GATA4: variants seen among roughly 807,000 people sequenced by gnomAD.
The protein encoded by GATA4 is GATA binding protein 4, also known as transcription factor GATA-4.
In GATA4, 7 loss-of-function variants were observed where a neutral mutation model predicts 37.9. The observed-to-expected ratio is 0.18, with a 90% CI of 0.11 to 0.35. The LOEUF (loss-of-function observed/expected upper bound fraction) is 0.35, where lower values mean the gene tolerates loss of function less well. GATA4 is among the 10% of genes least tolerant of loss of function. The pLI is 1.00. For missense variants in GATA4, 647 were observed against 653.0 expected, an observed-to-expected ratio of 0.99 and a Z score of 0.10; for synonymous variants, 372 against 292.6, an observed-to-expected ratio of 1.27 and a Z score of -2.77.
intron 1 of GATA4, among the ~76,000 whole-genome samples, chr8:11,685,330 G>C (rs902701621): frequency 6.6e-6 from 1 of 152,214 alleles, no homozygotes; most frequent in Non-Finnish European, 1.5e-5. Context: ...ATGTGGCTAA[G>C]GATGGATTTG....
chr8:11,686,883 A>G (rs1211328453), intron 1 of GATA4, among the ~76,000 whole-genome samples: 2 of 152,088 alleles, frequency 1.3e-5, no homozygotes, highest in African/African-American at 4.8e-5. Flanking sequence ...CTGTAATCCC[A>G]GCTACTCAGG....
chr8:11,692,532 C>A, upstream of GATA4: 2 of 985,482 alleles, frequency 2.0e-6, no homozygotes, highest in Non-Finnish European at 2.4e-6. Context: ...TATGCTCATG[C>A]GGATCTAGAT....
In GATA4 at chr8:11,759,582, CAA is replaced by C. The variant is rs1802790244; in HGVS notation, c.*1109_*1110del. Reference sequence around the variant, plus strand: ...TTCTGCAACACGAATTCGAAGCAAACAAACACAACACAACAGAATTCCTGGAA... The same window carrying C: ...TTCTGCAACACGAATTCGAAGCAAACACACAACACAACAGAATTCCTGGAA... On this transcript the variant is annotated 3_prime_UTR_variant, in exon 7 of 7. Coordinates refer to ENST00000532059, the MANE Select transcript of GATA4 (RefSeq NM_001308093.3). 6.6e-6 allele frequency: 1 copy of C among 152,304 alleles called. No individual in the cohort carries two copies. The highest frequency in any genetic ancestry group is 1.9e-4 in the East Asian group (1 of 5,208). 9.4% of individuals were successfully genotyped at this position (152,304 alleles called of 1,614,324 possible).
upstream of GATA4, among the ~76,000 whole-genome samples, chr8:11,703,080 G>C (rs1799739761): frequency 6.6e-6 from 1 of 152,076 alleles, no homozygotes; most frequent in Admixed American, 6.5e-5. Context: ...CCTGCTTTCG[G>C]AGCAGCACGG....
chr8:11,716,933 G>A (rs536239542), intron 2 of GATA4, among the ~76,000 whole-genome samples: 3 of 152,362 alleles, frequency 2.0e-5, no homozygotes, highest in African/African-American at 7.2e-5. Context: ...TGTTCCAGAA[G>A]AGGGCAGTTC....
intron 5 of GATA4, 186 bp from the exon 6 acceptor site, chr8:11,756,749 T>G (rs891647797): frequency 1.8e-5 from 13 of 720,654 alleles, no homozygotes; most frequent in East Asian, 2.6e-5. Context: ...GGGTTTGAGA[T>G]GAGATAGGGG....
At chr8:11,712,690 T>TTA (rs1554489579) in intron 2 of GATA4, among the ~76,000 whole-genome samples, 33 of 92,998 alleles carry the variant, frequency 3.5e-4, no homozygotes, top group Admixed American at 1.1e-3. Flanking sequence ...ACCACATCTC[T>TTA]AAAAAAAAAA....
intron 1 of GATA4, among the ~76,000 whole-genome samples, chr8:11,678,494 C>G (rs1221403953): frequency 6.6e-6 from 1 of 152,154 alleles, no homozygotes; most frequent in Non-Finnish European, 1.5e-5. Context: ...GCTGATATTC[C>G]TGCTCTTCTG....
At chr8:11,701,453 A>AG (rs927477275), upstream of GATA4, among the ~76,000 whole-genome samples, 2 of 151,976 alleles carry the variant, frequency 1.3e-5, no homozygotes, top group Non-Finnish European at 2.9e-5. Flanking sequence ...CTGGAGCGAG[A>AG]GAGAAGCCTG....
rs1799984277 is a variant in GATA4, at chr8:11,708,279, G to C, written c.-34G>C. 6.4e-7 allele frequency: 1 copy of C among 1,555,912 alleles called. No homozygotes were observed. Among genetic ancestry groups the C allele is most frequent in the Non-Finnish European group, 8.6e-7 (1 of 1,157,332 alleles). ...GTGGCTCCTTGACCTGCGAGGGAGAGAGAGGACACCGAAGCCGGGAGCTCG... is the reference window on the plus strand; with the variant it reads ...GTGGCTCCTTGACCTGCGAGGGAGACAGAGGACACCGAAGCCGGGAGCTCG... On this transcript the variant is annotated 5_prime_UTR_variant, in exon 2 of 7. Coordinates refer to ENST00000532059, the MANE Select transcript of GATA4 (RefSeq NM_001308093.3). This position sits in a 1 kb window ranked among gnomAD's most constrained non-coding sequence, Gnocchi z 6.7.
intron 1 of GATA4, among the ~76,000 whole-genome samples, chr8:11,704,651 GAA>G (rs1799812301): frequency 6.6e-6 from 1 of 152,234 alleles, no homozygotes; most frequent in African/African-American, 2.4e-5. Context: ...GTGGCCGCGT[GAA>G]GTTACCGGGA....
chr8:11,726,835 C>G (rs1800947145), intron 2 of GATA4, among the ~76,000 whole-genome samples: 1 of 152,222 alleles, frequency 6.6e-6, no homozygotes, highest in African/African-American at 2.4e-5. Context: ...CAAAGGCCCC[C>G]TGCCATCTTT....
chr8:11,750,353 G>C, intron 4 of GATA4, 117 bp downstream of exon 4: 2 of 1,410,254 alleles, frequency 1.4e-6, no homozygotes, highest in Non-Finnish European at 2.0e-6. Flanking sequence ...AAGAGACTTA[G>C]ATTTGGAAGG....
Position 11,758,904 on chromosome 8 carries a change from C to T in GATA4, c.*429C>T, listed in dbSNP as rs775514138. The T allele has an allele frequency of 4.6e-5, 14 of 305,388 alleles. No individual in the cohort carries two copies. Among genetic ancestry groups the T allele is most frequent in the South Asian group, 3.7e-4 (12 of 32,374 alleles). 18.9% of individuals were successfully genotyped at this position (305,388 alleles called of 1,614,324 possible). A position where few individuals can be genotyped will look rare whatever the true frequency, so the allele number is the denominator to read the frequency against. On this transcript the variant is annotated 3_prime_UTR_variant, in exon 7 of 7. Transcript: ENST00000532059. ...CTGTTTGCCATGTACCTGGATGCGA[C>T]GGGCCCCTGGGGACAGGCCCTTGCC...
At position 11,749,170 on chromosome 8, in the gene GATA4, G is replaced by A. The variant is rs1802174808; in HGVS notation, c.786+85G>A. 7.2e-7 allele frequency: 1 copy of A among 1,384,070 alleles called. No homozygotes were observed. The highest frequency in any genetic ancestry group is 1.0e-6 in the Non-Finnish European group (1 of 994,452). The allele number at this position is 1,384,070 out of a possible 1,614,324, so 85.7% of individuals were successfully genotyped here. ...GGACATCCTCTGGTTTTGAATTTTG[G>A]AACTTGAGGGTGTGCATCGGGGATT... On this transcript the variant is annotated intron_variant, in intron 3 of 6. Coordinates refer to ENST00000532059, the MANE Select transcript of GATA4 (RefSeq NM_001308093.3). The surrounding 1 kb of genome is among the most constrained non-coding windows in gnomAD (Gnocchi z 4.6).
In GATA4 at chr8:11,759,528, C is replaced by A. The variant is rs1802786376; in HGVS notation, c.*1053C>A. On this transcript the variant is annotated 3_prime_UTR_variant, in exon 7 of 7. Transcript: ENST00000532059. The stretch of plus-strand genomic sequence containing the variant: ...CCTGCAGCCTCGCCCCGGCAGAAGT[C>A]TTTTGTCCAGGAGGCAAAAAGCCAG... The A allele has an allele frequency of 6.6e-6, 1 of 152,298 alleles. No homozygotes were observed. The highest frequency in any genetic ancestry group is 1.5e-5 in the Non-Finnish European group (1 of 68,078). The allele number at this position is 152,298 out of a possible 1,614,324, so 9.4% of individuals were successfully genotyped here. A position where few individuals can be genotyped will look rare whatever the true frequency, so the allele number is the denominator to read the frequency against.
intron 2 of GATA4, among the ~76,000 whole-genome samples, chr8:11,730,359 C>T (rs927734800): frequency 4.6e-5 from 7 of 152,200 alleles, no homozygotes; most frequent in Non-Finnish European, 1.0e-4. Flanking sequence ...AAACCAGACA[C>T]CTCTTAGATC....
intron 2 of GATA4, among the ~76,000 whole-genome samples, chr8:11,723,971 C>G (rs994456366): frequency 5.9e-5 from 9 of 152,150 alleles, no homozygotes; most frequent in African/African-American, 2.2e-4. Context: ...ATAACGTCTC[C>G]GTATCCCCTT....
chr8:11,731,725 G>A (rs1244107881), intron 2 of GATA4, among the ~76,000 whole-genome samples: 2 of 152,186 alleles, frequency 1.3e-5, no homozygotes, highest in Non-Finnish European at 2.9e-5. Context: ...GGTTAAGATG[G>A]CTAATTTTAT....
Sources: gnomAD v4.1 joint callset for allele counts (sites outside exome capture counted in the v4.1 genomes callset) on GRCh38, gnomAD v4.1.1 for gene constraint, Gnocchi (gnomAD v3.1) non-coding constraint, MANE v1.5 for transcripts, NCBI Gene and HGNC (gene_info 2026-07-23, HGNC 2026-07-21) for gene names.